DCT: variants seen among roughly 807,000 people sequenced by gnomAD.
DCT encodes dopachrome tautomerase.
In DCT, 47 loss-of-function variants were observed where a neutral mutation model predicts 53.0. That is an observed-to-expected ratio of 0.89 (90% CI 0.70 to 1.13). The LOEUF (loss-of-function observed/expected upper bound fraction) is 1.13. Ranked by LOEUF, DCT falls within the 50% of genes most tolerant of loss-of-function variation. DCT has a pLI of 0.00. For synonymous variants in DCT, 244 were observed against 237.0 expected (o/e 1.03, Z -0.27); for missense variants, 669 against 637.4 (o/e 1.05, Z -0.53).
At chr13:94,515,461 A>G in the DCT span, among the ~76,000 whole-genome samples, 1 of 152,184 alleles carries the variant, frequency 6.6e-6, no homozygotes, top group Non-Finnish European at 1.5e-5. Flanking sequence ...GGAACAGGAG[A>G]AGTAAAGTAA....
At chr13:94,477,073 G>T (rs1302737988) in intron 1 of DCT, among the ~76,000 whole-genome samples, 1 of 152,072 alleles carries the variant, frequency 6.6e-6, no homozygotes, top group Admixed American at 6.6e-5. Context: ...ACTACAAAAT[G>T]ATTATAAAGC....
chr13:94,547,984 A>AAAAATATATATAT, the DCT span, among the ~76,000 whole-genome samples: 11 of 65,824 alleles, frequency 1.7e-4, no homozygotes, highest in African/African-American at 3.9e-4. Context: ...AAAAAAAAAA[A>AAAAATATATATAT]ATATATATAT....
chr13:94,518,008 T>G, the DCT span, among the ~76,000 whole-genome samples: 1 of 150,810 alleles, frequency 6.6e-6, no homozygotes, highest in Non-Finnish European at 1.5e-5. Flanking sequence ...TTTGAGCAGC[T>G]GAGGTGGGAC....
intron 6 of DCT, among the ~76,000 whole-genome samples, chr13:94,455,277 G>A (rs1310950005): frequency 1.3e-5 from 2 of 152,070 alleles, no homozygotes; most frequent in African/African-American, 2.4e-5. Flanking sequence ...AGCTACTTGG[G>A]AGGCTGAGGC....
intron 1 of DCT, among the ~76,000 whole-genome samples, chr13:94,471,216 G>T (rs1884626237): frequency 6.6e-6 from 1 of 152,104 alleles, no homozygotes; most frequent in Non-Finnish European, 1.5e-5. Context: ...TTTCTACAGT[G>T]GATTTTCTGA....
intron 6 of DCT, among the ~76,000 whole-genome samples, chr13:94,445,392 G>A (rs1024716424): frequency 7.9e-5 from 12 of 152,306 alleles, no homozygotes; most frequent in Non-Finnish European, 1.0e-4. Flanking sequence ...CTGTCCTGAG[G>A]CAGCCATGCT....
At chr13:94,506,008 T>G in the DCT span, among the ~76,000 whole-genome samples, 1 of 152,312 alleles carries the variant, frequency 6.6e-6, no homozygotes, top group East Asian at 1.9e-4. Context: ...GAGAACCAGC[T>G]CAGCCCTGCC....
the DCT span, among the ~76,000 whole-genome samples, chr13:94,499,839 C>T: frequency 3.0e-4 from 45 of 152,208 alleles, no homozygotes; most frequent in East Asian, 5.8e-4. Flanking sequence ...ATGCTCTAAC[C>T]GAAAGCACAG....
At chr13:94,473,772 G>A (rs1884901043) in intron 1 of DCT, among the ~76,000 whole-genome samples, 2 of 152,188 alleles carry the variant, frequency 1.3e-5, no homozygotes, top group African/African-American at 4.8e-5. Context: ...AGAATGGGAA[G>A]TGGGGGGGTA....
Position 94,465,580 on chromosome 13 carries a change from A to T in DCT, c.863+53T>A, listed in dbSNP as rs541208199. 30 of 1,546,828 alleles carry T rather than the reference A, an allele frequency of 1.9e-5. No individual in the cohort carries two copies. In the African/African-American group the frequency reaches 3.8e-4, roughly 20 times the overall value. ...TAAAGTGACTTCTCCTCCATGTCTC[A>T]GACATCAGAAAAGACAATCTCTGGA... is the stretch of plus-strand genomic sequence containing the variant. On this transcript the variant is annotated intron_variant, in intron 4 of 7. Transcript: ENST00000377028.
the DCT span, among the ~76,000 whole-genome samples, chr13:94,513,771 G>A: frequency 1.3e-5 from 2 of 152,034 alleles, no homozygotes; most frequent in East Asian, 3.9e-4. Context: ...TGGATCACTT[G>A]AGATCAGAAG....
rs1193513200 is a variant in DCT at position 94,463,422 on chromosome 13, C to T, written c.864-1233G>A. 4.6e-5 allele frequency among the ~76,000 whole-genome samples: 7 copies of T among 152,110 alleles called. No homozygotes were observed. In the South Asian group the frequency reaches 1.5e-3, roughly 32 times the overall value. Reference sequence around the variant, plus strand: ...TCCTGAGTAGCTGGGACTACAGGCACATGCCACCAAGCCCAGCTAACTTTT... The same window carrying T: ...TCCTGAGTAGCTGGGACTACAGGCATATGCCACCAAGCCCAGCTAACTTTT... On this transcript the variant is annotated intron_variant, in intron 4 of 7. Coordinates refer to ENST00000377028, the MANE Select transcript of DCT (RefSeq NM_001922.5).
At chr13:94,534,449 C>A in the DCT span, among the ~76,000 whole-genome samples, 1 of 152,178 alleles carries the variant, frequency 6.6e-6, no homozygotes, top group African/African-American at 2.4e-5. Flanking sequence ...TCTTAGACCA[C>A]CAATTATTTC....
the DCT span, among the ~76,000 whole-genome samples, chr13:94,546,060 C>T: frequency 1.3e-5 from 2 of 152,136 alleles, no homozygotes; most frequent in Non-Finnish European, 2.9e-5. The surrounding 1 kb of genome is among the most constrained non-coding windows in gnomAD (Gnocchi z 4.2). Flanking sequence ...AGGCTTCTGG[C>T]ACTTTCTTAG....
the DCT span, among the ~76,000 whole-genome samples, chr13:94,488,769 C>T: frequency 7.6e-5 from 10 of 131,822 alleles, no homozygotes; most frequent in African/African-American, 2.0e-4. Flanking sequence ...CACACACACA[C>T]GCCATATATA....
chr13:94,505,599 G>T, the DCT span, among the ~76,000 whole-genome samples: 7 of 152,194 alleles, frequency 4.6e-5, no homozygotes, highest in African/African-American at 1.7e-4. Context: ...GAGGAAGACC[G>T]GGAGGATACC....
At position 94,443,606 on chromosome 13, in the gene DCT, T is replaced by C. The variant is rs769469725; in HGVS notation, c.1211A>G (p.Asp404Gly). The C allele has an allele frequency of 3.7e-6, 6 of 1,613,964 alleles. No homozygotes were observed. In the Admixed American group the frequency reaches 1.0e-4, roughly 27 times the overall value. ...AGGATTAAATCTTTTCATCCACTCA[T>C]CAAAGATGGCATCAGTAAAGGAATG... ...VLHSFTDAIF[D>G]EWMKRFNPPA... Residue 404 changes from aspartate to glycine, a missense_variant, in exon 7 of 8, where the codon GAT (aspartate) becomes GGT (glycine). Asp to Gly is a moderately conservative substitution (Grantham distance 94). Transcript: ENST00000377028.
the DCT span, among the ~76,000 whole-genome samples, chr13:94,511,623 G>C: frequency 6.6e-6 from 1 of 152,094 alleles, no homozygotes; most frequent in Admixed American, 6.5e-5. Context: ...CCCTCCCAAA[G>C]TGCTAGGATT....
the DCT span, among the ~76,000 whole-genome samples, chr13:94,516,132 A>G: frequency 6.9e-6 from 1 of 144,810 alleles, no homozygotes; most frequent in African/African-American, 2.6e-5. Context: ...CCTCAGCCTC[A>G]TGTTCTCTAG....
Sources: gnomAD v4.1 joint callset for allele counts (sites outside exome capture counted in the v4.1 genomes callset) on GRCh38, gnomAD v4.1.1 for gene constraint, Gnocchi (gnomAD v3.1) non-coding constraint, MANE v1.5 for transcripts, NCBI Gene and HGNC (gene_info 2026-07-23, HGNC 2026-07-21) for gene names.